EXOC6B: variants seen among roughly 807,000 people sequenced by gnomAD.
EXOC6B encodes SEC15 homolog B.
A neutral mutation model predicts 113.5 loss-of-function variants in EXOC6B; 54 were observed. The ratio of observed to expected loss-of-function variants is 0.48; its 90% CI spans 0.38 to 0.60. The LOEUF (loss-of-function observed/expected upper bound fraction) is 0.60, where lower values mean the gene tolerates loss of function less well. EXOC6B is among the 20% of genes least tolerant of loss of function. The probability of loss-of-function intolerance (pLI) is 0.00; values close to 1 mark genes in which losing one functional copy is unlikely to be tolerated. For synonymous variants in EXOC6B, 357 were observed against 339.0 expected (o/e 1.05, Z -0.58); for missense variants, 797 against 977.5 (o/e 0.82, Z 2.46).
At chr2:72,728,588 T>C (rs1680452499) in intron 5 of EXOC6B, among the ~76,000 whole-genome samples, 1 of 152,182 alleles carries the variant, frequency 6.6e-6, no homozygotes, top group Non-Finnish European at 1.5e-5. Context: ...GCAGGTATGC[T>C]ATGCTCCCTG....
intron 20 of EXOC6B, among the ~76,000 whole-genome samples, chr2:72,317,120 T>C (rs1687559602): frequency 6.6e-6 from 1 of 151,844 alleles, no homozygotes; most frequent in Non-Finnish European, 1.5e-5. Flanking sequence ...CTTAGGCTTT[T>C]TAAGCAGGCA....
intron 1 of EXOC6B, among the ~76,000 whole-genome samples, chr2:72,822,140 G>A (rs2105179333): frequency 6.6e-6 from 1 of 152,248 alleles, no homozygotes; most frequent in South Asian, 2.1e-4. Flanking sequence ...ATAGGGATGG[G>A]ATTTGAAAAA....
intron 1 of EXOC6B, among the ~76,000 whole-genome samples, chr2:72,744,870 G>GA (rs899970478): frequency 0.017 from 2,462 of 148,724 alleles, 82 homozygotes; most frequent in African/African-American, 0.058. Flanking sequence ...CCTATTTAAA[G>GA]AAAAAAAAAA....
chr2:72,658,796 C>A (rs1291456194), intron 6 of EXOC6B, among the ~76,000 whole-genome samples: 1 of 152,024 alleles, frequency 6.6e-6, no homozygotes, highest in Non-Finnish European at 1.5e-5. Context: ...TCAGGAGTTA[C>A]TTTTAGATAA....
intron 20 of EXOC6B, among the ~76,000 whole-genome samples, chr2:72,218,587 C>T (rs971808926): frequency 1.3e-5 from 2 of 152,178 alleles, no homozygotes; most frequent in African/African-American, 4.8e-5. Context: ...AGAACCTCTT[C>T]TTTGCATTTA....
At chr2:72,266,906 T>C (rs1684136816) in intron 20 of EXOC6B, among the ~76,000 whole-genome samples, 1 of 152,198 alleles carries the variant, frequency 6.6e-6, no homozygotes, top group Non-Finnish European at 1.5e-5. Flanking sequence ...TGTTCTTCCA[T>C]TTGTTTGTCT....
chr2:72,480,670 A>G lies in EXOC6B; in HGVS notation c.1746T>C (p.Asn582=). Reference sequence around the variant, plus strand: ...TAGTGTGAACTGTCTCTGGAAGCACATTAGTGATGTTGGTGATAAATTCTT... The same window carrying G: ...TAGTGTGAACTGTCTCTGGAAGCACGTTAGTGATGTTGGTGATAAATTCTT... ...YLEEFITNIT[N]VLPETVHTTK... The change falls in exon 17 of 22, where the codon AAT becomes AAC. Residue 582 remains asparagine, a synonymous_variant. Transcript: ENST00000272427. 1.3e-6 allele frequency: 2 copies of G among 1,592,114 alleles called. No individual in the cohort carries two copies. Among genetic ancestry groups the G allele is most frequent in the Non-Finnish European group, 1.7e-6 (2 of 1,167,902 alleles).
chr2:72,639,498 C>A (rs953444115), intron 6 of EXOC6B, among the ~76,000 whole-genome samples: 4 of 152,212 alleles, frequency 2.6e-5, no homozygotes, highest in Non-Finnish European at 5.9e-5. Flanking sequence ...CCCTGGCACC[C>A]ACTAGCAGTT....
At chr2:72,343,589 A>G (rs1330575754) in intron 19 of EXOC6B, among the ~76,000 whole-genome samples, 1 of 152,142 alleles carries the variant, frequency 6.6e-6, no homozygotes, top group Non-Finnish European at 1.5e-5. Context: ...TTGAGCATTT[A>G]TTGCAGGGCA....
chr2:72,664,676 C>T (rs1675265881), intron 6 of EXOC6B, among the ~76,000 whole-genome samples: 4 of 152,212 alleles, frequency 2.6e-5, no homozygotes, highest in Admixed American at 1.3e-4. Flanking sequence ...AGCCAAGAGA[C>T]AGCAGGACTG....
intron 20 of EXOC6B, among the ~76,000 whole-genome samples, chr2:72,314,797 AG>A (rs1409101456): frequency 1.3e-5 from 2 of 152,224 alleles, no homozygotes; most frequent in Non-Finnish European, 2.9e-5. Context: ...TTAACCACTT[AG>A]TACTTAAAAC....
intron 20 of EXOC6B, among the ~76,000 whole-genome samples, chr2:72,187,483 G>T (rs1678514072): frequency 6.6e-6 from 1 of 152,060 alleles, no homozygotes; most frequent in Non-Finnish European, 1.5e-5. Context: ...GAACAGCTCA[G>T]AGATGACCCA....
intron 17 of EXOC6B, among the ~76,000 whole-genome samples, chr2:72,475,286 A>AC (rs1414208235): frequency 2.0e-5 from 3 of 151,536 alleles, no homozygotes; most frequent in African/African-American, 7.3e-5. Context: ...ATGTTCTTGA[A>AC]CCCCTGGGGC....
rs532417911 is a variant in EXOC6B, at chr2:72,278,998, C to T, written c.2196+55949G>A. Among the ~76,000 whole-genome samples the T allele has an allele frequency of 3.9e-5, 6 of 152,130 alleles. No homozygotes were observed. In the South Asian group the frequency reaches 1.2e-3, roughly 32 times the overall value. On this transcript the variant is annotated intron_variant, in intron 20 of 21. Coordinates refer to ENST00000272427, the MANE Select transcript of EXOC6B (RefSeq NM_015189.3). ...GCTCTGGGTTTGTTCCAGGGTAAGC[C>T]TCAGGATATATTAAATTCAACTAGA...
At chr2:72,817,415 C>G (rs370260020) in intron 1 of EXOC6B, among the ~76,000 whole-genome samples, 3 of 152,242 alleles carry the variant, frequency 2.0e-5, no homozygotes, top group South Asian at 4.2e-4. Context: ...ATTTTTAAGA[C>G]AGTTAATCTG....
At chr2:72,791,095 A>G (rs1362385464) in intron 1 of EXOC6B, among the ~76,000 whole-genome samples, 2 of 152,236 alleles carry the variant, frequency 1.3e-5, no homozygotes, top group Admixed American at 6.5e-5. Context: ...TGAAATTTCA[A>G]TAACTGTCAT....
Position 72,690,978 on chromosome 2 carries a change from G to A in EXOC6B, c.669+27125C>T, listed in dbSNP as rs560417902. ...ATGATTGGCATATTTAAAAGAAGAC[G>A]CTGGGCATGATGGCTCACACCTGTA... is the stretch of plus-strand genomic sequence containing the variant. On this transcript the variant is annotated intron_variant, in intron 6 of 21. Transcript: ENST00000272427. Among the ~76,000 whole-genome samples the A allele has an allele frequency of 1.7e-4, 26 of 152,232 alleles. No homozygotes were observed. In the East Asian group the frequency reaches 2.1e-3, roughly 12 times the overall value.
intron 6 of EXOC6B, among the ~76,000 whole-genome samples, chr2:72,655,594 A>G (rs1349863227): frequency 2.0e-5 from 3 of 152,054 alleles, no homozygotes; most frequent in Admixed American, 2.0e-4. Context: ...GAAAAAGTAC[A>G]TGTATTCAAA....
At chr2:72,389,967 CAG>C (rs1692268608) in intron 18 of EXOC6B, among the ~76,000 whole-genome samples, 3 of 152,246 alleles carry the variant, frequency 2.0e-5, no homozygotes, top group Middle Eastern at 3.4e-3. Context: ...CCAAGAATCT[CAG>C]GTTCAGGAAA....
Sources: allele counts gnomAD v4.1 joint callset (sites outside exome capture counted in the v4.1 genomes callset), GRCh38; gene constraint gnomAD v4.1.1; transcripts MANE v1.5; gene names NCBI Gene and HGNC (gene_info 2026-07-23, HGNC 2026-07-21).